The following RAB40C variants were observed in gnomAD, a reference collection of about 807,000 sequenced individuals.
The protein encoded by RAB40C is ras-related protein Rab-40C.
RAB40C carries 8 observed loss-of-function variants against 28.1 expected under a neutral mutation model. The ratio of observed to expected loss-of-function variants is 0.28; its 90% CI spans 0.17 to 0.51. The LOEUF (loss-of-function observed/expected upper bound fraction) is 0.51. Ranked by LOEUF, RAB40C falls within the 20% of genes least tolerant of loss-of-function variation. RAB40C has a pLI of 0.97. For synonymous variants in RAB40C, 201 were observed against 171.7 expected, an observed-to-expected ratio of 1.17 and a Z score of -1.34; for missense variants, 288 against 405.9, an observed-to-expected ratio of 0.71 and a Z score of 2.50.
At position 627,626 on chromosome 16, in the gene RAB40C, G is replaced by A. The variant is rs761496827; in HGVS notation, c.*4G>A. The stretch of plus-strand genomic sequence containing the variant: ...GAGTAACTGCAAGATCTCCTAGCGG[G>A]GATGGGCGGGGCCGCCTGTGCAGAT... On this transcript the variant is annotated 3_prime_UTR_variant, in exon 6 of 6. Transcript: ENST00000248139. 2.5e-6 allele frequency: 4 copies of A among 1,569,544 alleles called. No individual in the cohort carries two copies. In the South Asian group the frequency reaches 3.6e-5, roughly 14 times the overall value.
At chr16:614,766 A>G (rs2036554355) in intron 1 of RAB40C, among the ~76,000 whole-genome samples, 1 of 148,198 alleles carries the variant, frequency 6.7e-6, no homozygotes, top group East Asian at 2.0e-4. Flanking sequence ...ACTCTGCCGC[A>G]TCCCGACGGT....
chr16:599,480 C>G (rs907297551), intron 1 of RAB40C, among the ~76,000 whole-genome samples: 2 of 152,260 alleles, frequency 1.3e-5, no homozygotes, highest in African/African-American at 4.8e-5. Flanking sequence ...GTGCCTCCTC[C>G]GTGTGCGCTG....
chr16:591,449 G>A (rs1015061077), intron 1 of RAB40C, among the ~76,000 whole-genome samples: 4 of 152,192 alleles, frequency 2.6e-5, no homozygotes, highest in East Asian at 1.9e-4. Flanking sequence ...TGTCTCGAGC[G>A]TGCACAGATG....
chr16:617,501 G>A (rs773729382), intron 2 of RAB40C, among the ~76,000 whole-genome samples: 5 of 152,322 alleles, frequency 3.3e-5, no homozygotes, highest in Admixed American at 6.5e-5. Flanking sequence ...ACCTGATTCC[G>A]TGGTGGCTGT....
intron 1 of RAB40C, among the ~76,000 whole-genome samples, chr16:603,551 C>G (rs954384112): frequency 6.6e-6 from 1 of 152,208 alleles, no homozygotes; most frequent in Non-Finnish European, 1.5e-5. Flanking sequence ...ATCCGGTCCC[C>G]TAATCCTTAG....
At chr16:619,682 G>T (rs989140210) in intron 3 of RAB40C, among the ~76,000 whole-genome samples, 1 of 152,180 alleles carries the variant, frequency 6.6e-6, no homozygotes, top group Admixed American at 6.5e-5. Context: ...CAGGGAGGCC[G>T]CCTGGGTCTG....
At chr16:594,252 A>G (rs192788662) in intron 1 of RAB40C, among the ~76,000 whole-genome samples, 1 of 151,954 alleles carries the variant, frequency 6.6e-6, no homozygotes, top group African/African-American at 2.4e-5. Context: ...GCTTGACTTT[A>G]TTTCTCTCTC....
chr16:592,223 C>A (rs1158148491), intron 1 of RAB40C, among the ~76,000 whole-genome samples: 1 of 152,222 alleles, frequency 6.6e-6, no homozygotes, highest in African/African-American at 2.4e-5. Flanking sequence ...TCTGACTGCC[C>A]TGAGCGTCTG....
intron 3 of RAB40C, among the ~76,000 whole-genome samples, chr16:622,989 T>C (rs559834540): frequency 7.6e-4 from 115 of 152,140 alleles, no homozygotes; most frequent in African/African-American, 2.7e-3. Flanking sequence ...TTTGGGTCCC[T>C]GCGGCCTCAC....
chr16:627,239 GAGTGTGGAGA>G, intron 5 of RAB40C, 93 bp from the exon 6 acceptor site: 2 of 1,169,800 alleles, frequency 1.7e-6, no homozygotes, highest in Admixed American at 4.2e-5. Context: ...ACACCTCTAG[GAGTGTGGAGA>G]CCCCGCCAGG....
At chr16:627,295 C>A in intron 5 of RAB40C, 47 bp from the exon 6 acceptor site, 4 of 1,560,768 alleles carry the variant, frequency 2.6e-6, no homozygotes, top group Non-Finnish European at 3.5e-6. Context: ...CTGCACAGGG[C>A]CTCCTCCCCC....
At chr16:627,241 G>A (rs1296508362) in intron 5 of RAB40C, 101 bp from the exon 6 acceptor site, 9 of 1,196,592 alleles carry the variant, frequency 7.5e-6, no homozygotes, top group Admixed American at 2.1e-5. Context: ...ACCTCTAGGA[G>A]TGTGGAGACC....
chr16:590,255 C>CGGCAGGCGGCCGGCGCGGGG lies in RAB40C; in HGVS notation c.-36_-17dup. The CGGCAGGCGGCCGGCGCGGGG allele has an allele frequency of 7.2e-7, 1 of 1,398,200 alleles. No homozygotes were observed. Among genetic ancestry groups the CGGCAGGCGGCCGGCGCGGGG allele is most frequent in the South Asian group, 1.5e-5 (1 of 67,862 alleles). 86.6% of individuals were successfully genotyped at this position (1,398,200 alleles called of 1,614,324 possible). On this transcript the variant is annotated 5_prime_UTR_variant, in exon 1 of 6. Coordinates refer to ENST00000248139, the MANE Select transcript of RAB40C (RefSeq NM_021168.5). Reference sequence around the variant, plus strand: ...GCCGCGGCCTCACCCGGCGGTGCTTCGGCAGGCGGCCGGCGCGGGGCGCAG... The same window carrying CGGCAGGCGGCCGGCGCGGGG: ...GCCGCGGCCTCACCCGGCGGTGCTTCGGCAGGCGGCCGGCGCGGGGGGCAGGCGGCCGGCGCGGGGCGCAG...
At chr16:589,676 T>G (rs1329690974), upstream of RAB40C, 1 of 150,634 alleles carries the variant, frequency 6.6e-6, no homozygotes, top group African/African-American at 2.4e-5. Context: ...CTGGGATTTC[T>G]CTGGGAGGCA....
chr16:595,629 G>A (rs1596397348), intron 1 of RAB40C, among the ~76,000 whole-genome samples: 1 of 148,094 alleles, frequency 6.8e-6, no homozygotes, highest in Admixed American at 6.7e-5. Context: ...TTGAGACGGA[G>A]TCTAACTCTG....
chr16:611,813 T>C (rs55732218), intron 1 of RAB40C, among the ~76,000 whole-genome samples: 9 of 47,462 alleles, frequency 1.9e-4, no homozygotes, highest in Admixed American at 1.2e-3. Flanking sequence ...GACAGCCGCC[T>C]TCGCCTGTAG....
At chr16:600,047 ATCAG>A (rs2036217448) in intron 1 of RAB40C, among the ~76,000 whole-genome samples, 1 of 151,988 alleles carries the variant, frequency 6.6e-6, no homozygotes, top group African/African-American at 2.4e-5. Context: ...CCCTCGTGGC[ATCAG>A]TCAGCGTGGA....
At position 608,309 on chromosome 16, in the gene RAB40C, A is replaced by C. The variant is rs982366694; in HGVS notation, c.143-8899A>C. 7.2e-5 allele frequency among the ~76,000 whole-genome samples: 11 copies of C among 152,330 alleles called. No individual in the cohort carries two copies. The South Asian group carries it at 1.2e-3, about 17-fold the overall frequency. On this transcript the variant is annotated intron_variant, in intron 1 of 5. Transcript: ENST00000248139. Reference sequence around the variant, plus strand: ...AGGGGGGAACCACCCCCATGATTTAATTATCTCCATCTGGCCCCGCCCTCA... The same window carrying C: ...AGGGGGGAACCACCCCCATGATTTACTTATCTCCATCTGGCCCCGCCCTCA...
chr16:627,551 A>G lies in RAB40C; in HGVS notation c.775A>G (p.Arg259Gly), dbSNP rs765219284. Residue 259 changes from arginine (R) to glycine (G), a missense_variant, in exon 6 of 6, where the codon AGG becomes GGG. By Grantham distance (125) the Arg-to-Gly change is moderately radical (BLOSUM62 -2). Transcript: ENST00000248139. ...CGGCAGCAAGGGCAACAGCCTCAAG[A>G]GGTCCAAGTCCATCCGTCCACCCCA... ...GGGSKGNSLK[R>G]SKSIRPPQSP... 1 of 1,613,470 alleles carries G rather than the reference A, an allele frequency of 6.2e-7. No individual in the cohort carries two copies. The highest frequency in any genetic ancestry group is 8.5e-7 in the Non-Finnish European group (1 of 1,179,878).
Sources: gnomAD v4.1 joint callset for allele counts (sites outside exome capture counted in the v4.1 genomes callset) on GRCh38, gnomAD v4.1.1 for gene constraint, MANE v1.5 for transcripts, NCBI Gene and HGNC (gene_info 2026-07-23, HGNC 2026-07-21) for gene names.